The following TMEM94 variants were observed in gnomAD, a reference collection of about 807,000 sequenced individuals.
The protein encoded by TMEM94 is ER Mg2+ ATPase.
TMEM94 carries 81 observed loss-of-function variants against 158.6 expected under a neutral mutation model. That is an observed-to-expected ratio of 0.51 (90% CI 0.43 to 0.61). The LOEUF (loss-of-function observed/expected upper bound fraction) is 0.61, where lower values mean the gene tolerates loss of function less well. TMEM94 is among the 20% of genes least tolerant of loss of function. The pLI, the probability that TMEM94 is intolerant of heterozygous loss-of-function variation, is 0.00. For synonymous variants in TMEM94, 751 were observed against 730.7 expected (o/e 1.03, Z -0.45); for missense variants, 1,435 against 1,762.0 (o/e 0.81, Z 3.32).
chr17:75,461,258 C>T (rs2050058490), intron 1 of TMEM94, among the ~76,000 whole-genome samples: 1 of 151,950 alleles, frequency 6.6e-6, no homozygotes, highest in Admixed American at 6.6e-5. Context: ...CACTACCGTG[C>T]CCGGCTAATT....
In TMEM94 at chr17:75,485,623, T is replaced by C; in HGVS notation, c.144+76T>C. Reference sequence around the variant, plus strand: ...TGTGGGAGGCCCCTTCTCAGGACTCTGATGTACCCTGTCACCCTGGACAGT... The same window carrying C: ...TGTGGGAGGCCCCTTCTCAGGACTCCGATGTACCCTGTCACCCTGGACAGT... On this transcript the variant is annotated intron_variant, in intron 3 of 31. Coordinates refer to ENST00000314256, the MANE Select transcript of TMEM94 (RefSeq NM_014738.6). This position sits in a 1 kb window ranked among gnomAD's most constrained non-coding sequence, Gnocchi z 5.5. 6.3e-7 allele frequency: 1 copy of C among 1,584,958 alleles called. No individual in the cohort carries two copies. Among genetic ancestry groups the C allele is most frequent in the Admixed American group, 1.7e-5 (1 of 59,530 alleles).
intron 1 of TMEM94, chr17:75,457,534 A>G (rs2049932175): frequency 6.7e-6 from 1 of 148,246 alleles, no homozygotes; most frequent in Non-Finnish European, 1.5e-5. Flanking sequence ...GCTACATCCC[A>G]CCCTCTCTCC....
At chr17:75,479,022 A>G (rs971198859) in intron 2 of TMEM94, among the ~76,000 whole-genome samples, 2 of 152,184 alleles carry the variant, frequency 1.3e-5, no homozygotes, top group Non-Finnish European at 2.9e-5. Context: ...ATGCCCTGCC[A>G]TTGGTGCCCA....
Position 75,489,787 on chromosome 17 carries a change from A to G in TMEM94, c.954+125A>G. 2 of 835,686 alleles carry G rather than the reference A, an allele frequency of 2.4e-6. No homozygotes were observed. The highest frequency in any genetic ancestry group is 3.9e-6 in the Non-Finnish European group (2 of 513,694). 51.8% of individuals were successfully genotyped at this position (835,686 alleles called of 1,614,324 possible). ...GGTCCCCTCACGCTTCAGCTTAAGAACACCTCTTTCCAGCTGGGCGTGGGG... is the reference window on the plus strand; with the variant it reads ...GGTCCCCTCACGCTTCAGCTTAAGAGCACCTCTTTCCAGCTGGGCGTGGGG... On this transcript the variant is annotated intron_variant, in intron 9 of 31. Coordinates refer to ENST00000314256, the MANE Select transcript of TMEM94 (RefSeq NM_014738.6). This position sits in a 1 kb window ranked among gnomAD's most constrained non-coding sequence, Gnocchi z 5.0.
At position 75,489,191 on chromosome 17, in the gene TMEM94, A is replaced by G; in HGVS notation, c.765-75A>G. 1.4e-6 allele frequency: 2 copies of G among 1,390,120 alleles called. No individual in the cohort carries two copies. Among genetic ancestry groups the G allele is most frequent in the Admixed American group, 1.7e-5 (1 of 57,986 alleles). 86.1% of individuals were successfully genotyped at this position (1,390,120 alleles called of 1,614,324 possible). A position where few individuals can be genotyped will look rare whatever the true frequency, so the allele number is the denominator to read the frequency against. On this transcript the variant is annotated intron_variant, in intron 7 of 31. Transcript: ENST00000314256. The surrounding 1 kb of genome is among the most constrained non-coding windows in gnomAD (Gnocchi z 5.0). ...CTTGAAGAAGCGGTATCTGGCAGAG[A>G]GGCCCAGAATCCTCCCAAGGTGTAG...
intron 1 of TMEM94, among the ~76,000 whole-genome samples, chr17:75,462,476 A>C (rs1180030933): frequency 1.3e-5 from 2 of 151,626 alleles, no homozygotes; most frequent in South Asian, 2.1e-4. Context: ...ATAATTTCTC[A>C]GCTTCTGCTT....
intron 5 of TMEM94, among the ~76,000 whole-genome samples, chr17:75,486,965 C>A (rs575380974): frequency 1.3e-5 from 2 of 152,104 alleles, no homozygotes; most frequent in Admixed American, 6.5e-5. Context: ...TTTTGAGGGA[C>A]GGTGGCTCCT....
intron 2 of TMEM94, among the ~76,000 whole-genome samples, chr17:75,477,798 C>G (rs2050790510): frequency 6.6e-6 from 1 of 151,250 alleles, no homozygotes; most frequent in African/African-American, 2.4e-5. Context: ...ATCACGAGGT[C>G]AGGAGTTTGA....
In TMEM94 at chr17:75,498,610, A is replaced by G. The variant is rs370314987; in HGVS notation, c.3734-19A>G. The G allele has an allele frequency of 1.2e-5, 20 of 1,612,478 alleles. No individual in the cohort carries two copies. Among genetic ancestry groups the G allele is most frequent in the Non-Finnish European group, 1.7e-5 (20 of 1,179,374 alleles). On this transcript the variant is annotated intron_variant, in intron 29 of 31. Coordinates refer to ENST00000314256, the MANE Select transcript of TMEM94 (RefSeq NM_014738.6). This position sits in a 1 kb window ranked among gnomAD's most constrained non-coding sequence, Gnocchi z 6.7. ...CCCACTGTGGAAGTCTGACCCCCAC[A>G]TCGCCCCACCTTCCCCAGTCTTCAT... is the stretch of plus-strand genomic sequence containing the variant.
Position 75,487,817 on chromosome 17 carries a change from G to A in TMEM94, c.410-115G>A, listed in dbSNP as rs980376507. ...GTTGGAACGAGTGGAGGGGTTTGAC[G>A]CAGACCTCCTGGGAGAGGAAGTGGG... On this transcript the variant is annotated intron_variant, in intron 5 of 31. Coordinates refer to ENST00000314256, the MANE Select transcript of TMEM94 (RefSeq NM_014738.6). The surrounding 1 kb of genome is among the most constrained non-coding windows in gnomAD (Gnocchi z 4.6). 1.2e-5 allele frequency: 10 copies of A among 839,154 alleles called. No individual in the cohort carries two copies. The East Asian group carries it at 1.3e-4, about 11-fold the overall frequency. 52.0% of individuals were successfully genotyped at this position (839,154 alleles called of 1,614,324 possible).
chr17:75,497,065 T>G (rs1387075443), intron 25 of TMEM94, 48 bp from the exon 26 acceptor site: 1 of 1,537,968 alleles, frequency 6.5e-7, no homozygotes, highest in Non-Finnish European at 9.0e-7. Context: ...TATGCCCTTA[T>G]TATTTGCCTG....
In TMEM94 at chr17:75,485,436, T is replaced by C. The variant is rs200652682; in HGVS notation, c.33T>C (p.Pro11=). 1.2e-6 allele frequency: 2 copies of C among 1,611,920 alleles called. No individual in the cohort carries two copies. Among genetic ancestry groups the C allele is most frequent in the East Asian group, 2.2e-5 (1 of 44,798 alleles). MDLKEKHLGE[P]PSALGLSTRK... is the part of the protein sequence containing the mutation. ...CTCCTGCTTGCCTGCAGGGCGAGCC[T>C]CCCTCAGCCCTGGGCCTGTCCACGC... The change falls in exon 3 of 32, where the codon CCT becomes CCC. Residue 11 remains proline, a synonymous_variant. Coordinates refer to ENST00000314256, the MANE Select transcript of TMEM94 (RefSeq NM_014738.6). This position sits in a 1 kb window ranked among gnomAD's most constrained non-coding sequence, Gnocchi z 5.5.
At chr17:75,470,584 A>G (rs1598326356) in intron 1 of TMEM94, among the ~76,000 whole-genome samples, 1 of 152,206 alleles carries the variant, frequency 6.6e-6, no homozygotes, top group Admixed American at 6.5e-5. Flanking sequence ...GGGCGCCTGT[A>G]GTCCCAGCTA....
chr17:75,490,820 C>G (rs1432559380), intron 11 of TMEM94, 62 bp downstream of exon 11: 54 of 1,486,746 alleles, frequency 3.6e-5, no homozygotes, highest in African/African-American at 5.5e-5. Context: ...CCTGGGACTC[C>G]CCTATTTATG....
In TMEM94 at chr17:75,499,345, G is replaced by A. The variant is rs761829007; in HGVS notation, c.*11G>A. On this transcript the variant is annotated 3_prime_UTR_variant, in exon 32 of 32. Coordinates refer to ENST00000314256, the MANE Select transcript of TMEM94 (RefSeq NM_014738.6). ...AACTCTCCCTTCTGAGCCACTGGCT[G>A]TGGTGGCTGTAGTTGCCCCCGTCCC... The A allele has an allele frequency of 1.2e-6, 2 of 1,611,880 alleles. No individual in the cohort carries two copies. Among genetic ancestry groups the A allele is most frequent in the African/African-American group, 1.3e-5 (1 of 74,902 alleles).
In TMEM94 at chr17:75,464,615, CT is replaced by C. The variant is rs2050225657; in HGVS notation, c.-106-7182del. Among the ~76,000 whole-genome samples the C allele has an allele frequency of 2.1e-5, 2 of 96,498 alleles. 1 individual carries two copies. Among genetic ancestry groups the C allele is most frequent in the African/African-American group, 1.4e-4 (2 of 13,842 alleles). The allele number at this position is 96,498 out of a possible 152,430, so 63.3% of individuals were successfully genotyped here. A position where few individuals can be genotyped will look rare whatever the true frequency, so the allele number is the denominator to read the frequency against. On this transcript the variant is annotated intron_variant, in intron 1 of 31. Coordinates refer to ENST00000314256, the MANE Select transcript of TMEM94 (RefSeq NM_014738.6). ...CTTTCTTTCTTTCTTTCCTTCCTTTCTTTCTTTCCTTCCTTCCTTCCTTCCT... is the reference window on the plus strand; with the variant it reads ...CTTTCTTTCTTTCTTTCCTTCCTTTCTTCTTTCCTTCCTTCCTTCCTTCCT...
In TMEM94 at chr17:75,498,810, C is replaced by T. The variant is rs2053012927; in HGVS notation, c.3827+88C>T. 6.6e-7 allele frequency: 1 copy of T among 1,524,180 alleles called. No homozygotes were observed. Among genetic ancestry groups the T allele is most frequent in the Admixed American group, 2.1e-5 (1 of 47,734 alleles). The allele number at this position is 1,524,180 out of a possible 1,614,324, so 94.4% of individuals were successfully genotyped here. A position where few individuals can be genotyped will look rare whatever the true frequency, so the allele number is the denominator to read the frequency against. ...TAGGATCGGAGGGCGGGACCGGGGC[C>T]AGTGGTTTAACTGTACCCTGCCTGA... On this transcript the variant is annotated intron_variant, in intron 30 of 31. Coordinates refer to ENST00000314256, the MANE Select transcript of TMEM94 (RefSeq NM_014738.6). This position sits in a 1 kb window ranked among gnomAD's most constrained non-coding sequence, Gnocchi z 6.7.
Position 75,485,036 on chromosome 17 carries a change from TAA to T in TMEM94, c.25-376_25-375del, listed in dbSNP as rs61277546. On this transcript the variant is annotated intron_variant, in intron 2 of 31. Coordinates refer to ENST00000314256, the MANE Select transcript of TMEM94 (RefSeq NM_014738.6). This position sits in a 1 kb window ranked among gnomAD's most constrained non-coding sequence, Gnocchi z 5.5. ...CTAGGAGACTAAGCAAGACTCTATCTAAAAAAAAAAAAAAAAATTGTCCATGC... is the reference window on the plus strand; with the variant it reads ...CTAGGAGACTAAGCAAGACTCTATCTAAAAAAAAAAAAAAATTGTCCATGC... Among the ~76,000 whole-genome samples the T allele has an allele frequency of 2.2e-4, 28 of 129,442 alleles. No individual in the cohort carries two copies. The highest frequency in any genetic ancestry group is 3.6e-4 in the African/African-American group (13 of 36,030). The allele number at this position is 129,442 out of a possible 152,430, so 84.9% of individuals were successfully genotyped here. A position where few individuals can be genotyped will look rare whatever the true frequency, so the allele number is the denominator to read the frequency against.
At chr17:75,490,206 G>T (rs776613587) in intron 9 of TMEM94, 28 bp from the exon 10 acceptor site, 1 of 1,613,412 alleles carries the variant, frequency 6.2e-7, no homozygotes, top group South Asian at 1.1e-5. Context: ...GAGCTCAGGA[G>T]CCATCTGTGT....
Sources: allele counts gnomAD v4.1 joint callset (sites outside exome capture counted in the v4.1 genomes callset), GRCh38; gene constraint gnomAD v4.1.1; non-coding constraint Gnocchi (gnomAD v3.1); transcripts MANE v1.5; gene names NCBI Gene and HGNC (gene_info 2026-07-23, HGNC 2026-07-21).